Variants in SNX4 observed in about 807,000 individuals in gnomAD.
SNX4 encodes sorting nexin 4, also known as sorting nexin-4.
Under a neutral mutation model 70.8 loss-of-function variants are expected in SNX4, and 49 were observed. The observed-to-expected ratio is 0.69, with a 90% CI of 0.55 to 0.88. SNX4 has a LOEUF of 0.88. Ranked by LOEUF, SNX4 falls within the 40% of genes least tolerant of loss-of-function variation. The pLI is 0.00. For synonymous variants in SNX4, 206 were observed against 183.8 expected (o/e 1.12, Z -0.98); for missense variants, 528 against 544.8 (o/e 0.97, Z 0.31).
intron 1 of SNX4, among the ~76,000 whole-genome samples, chr3:125,516,611 T>C (rs983435738): frequency 1.6e-4 from 24 of 152,210 alleles, no homozygotes; most frequent in African/African-American, 5.8e-4. Context: ...GAGGCTGAGG[T>C]GGGTGGATCA....
intron 1 of SNX4, among the ~76,000 whole-genome samples, chr3:125,516,817 G>A (rs1490791941): frequency 6.6e-6 from 1 of 152,106 alleles, no homozygotes; most frequent in African/African-American, 2.4e-5. Context: ...CTCCAGCTGG[G>A]GCCAAAGAGC....
intron 5 of SNX4, among the ~76,000 whole-genome samples, chr3:125,490,461 T>C (rs2107552893): frequency 6.8e-6 from 1 of 147,646 alleles, no homozygotes; most frequent in East Asian, 2.0e-4. Context: ...GAGGCGGAGC[T>C]TGCAGTGAGC....
At chr3:125,460,251 C>T (rs1933843294) in intron 10 of SNX4, among the ~76,000 whole-genome samples, 1 of 150,312 alleles carries the variant, frequency 6.7e-6, no homozygotes, top group African/African-American at 2.4e-5. Flanking sequence ...GCCACCTATT[C>T]TGGGAAAATA....
intron 1 of SNX4, among the ~76,000 whole-genome samples, chr3:125,518,740 C>T (rs1245969430): frequency 1.3e-5 from 2 of 151,940 alleles, no homozygotes; most frequent in East Asian, 1.9e-4. Context: ...TGATGGCTCA[C>T]GCCTGTAATC....
chr3:125,502,234 C>T (rs1232795970), intron 2 of SNX4, among the ~76,000 whole-genome samples: 1 of 152,024 alleles, frequency 6.6e-6, no homozygotes, highest in African/African-American at 2.4e-5. Flanking sequence ...AAAAAATAAC[C>T]TTACAAATCT....
At chr3:125,462,016 A>C (rs1933897045) in intron 9 of SNX4, among the ~76,000 whole-genome samples, 1 of 152,140 alleles carries the variant, frequency 6.6e-6, no homozygotes, top group South Asian at 2.1e-4. Flanking sequence ...ATGTCATCCC[A>C]GTTTCATTCC....
At chr3:125,497,514 C>G (rs1934823599) in intron 4 of SNX4, 126 bp from the exon 5 acceptor site, 2 of 685,270 alleles carry the variant, frequency 2.9e-6, no homozygotes, top group Non-Finnish European at 5.0e-6. Flanking sequence ...AAAAAAATTT[C>G]TTTTCACTTC....
At chr3:125,514,495 G>A (rs975180807) in intron 1 of SNX4, among the ~76,000 whole-genome samples, 1 of 150,934 alleles carries the variant, frequency 6.6e-6, no homozygotes, top group African/African-American at 2.4e-5. Flanking sequence ...AGGTTCAAGC[G>A]ATTCTCCTGC....
intron 11 of SNX4, among the ~76,000 whole-genome samples, chr3:125,456,732 G>A (rs1933726296): frequency 1.3e-5 from 2 of 152,142 alleles, no homozygotes; most frequent in African/African-American, 4.8e-5. Context: ...GTGACCTCGG[G>A]TCACTGCAAC....
intron 11 of SNX4, among the ~76,000 whole-genome samples, chr3:125,456,722 G>A (rs1228540650): frequency 2.0e-5 from 3 of 152,158 alleles, no homozygotes; most frequent in East Asian, 1.9e-4. Context: ...GTGCAGTGGC[G>A]TGACCTCGGG....
intron 11 of SNX4, 73 bp downstream of exon 11, chr3:125,457,193 C>A (rs879582389): frequency 9.4e-6 from 10 of 1,063,944 alleles, no homozygotes; most frequent in Non-Finnish European, 1.5e-5. Flanking sequence ...GAGTTACTCA[C>A]TCAGAGTGAG....
At chr3:125,503,198 C>T (rs558340709) in intron 2 of SNX4, among the ~76,000 whole-genome samples, 8 of 152,282 alleles carry the variant, frequency 5.3e-5, no homozygotes, top group South Asian at 2.1e-4. Context: ...TGAGCCACCA[C>T]GCCCAGCTAG....
chr3:125,498,396 T>C (rs754148763), intron 2 of SNX4, among the ~76,000 whole-genome samples: 1 of 152,210 alleles, frequency 6.6e-6, no homozygotes, highest in African/African-American at 2.4e-5. Flanking sequence ...CACCACTTAC[T>C]GCAGCCTTCG....
intron 13 of SNX4, among the ~76,000 whole-genome samples, chr3:125,451,072 C>T (rs1933559014): frequency 2.6e-5 from 4 of 151,906 alleles, no homozygotes; most frequent in African/African-American, 9.7e-5. Context: ...TCGAGACCAG[C>T]CTGGGCAACA....
chr3:125,455,361 T>C (rs1933684565), intron 11 of SNX4, among the ~76,000 whole-genome samples: 1 of 152,200 alleles, frequency 6.6e-6, no homozygotes, highest in South Asian at 2.1e-4. Context: ...TAGGCAACTA[T>C]GGAAATAAAC....
chr3:125,459,622 A>T (rs1189897278), intron 10 of SNX4, among the ~76,000 whole-genome samples: 1 of 152,044 alleles, frequency 6.6e-6, no homozygotes, highest in Non-Finnish European at 1.5e-5. Flanking sequence ...TAATTTTAGT[A>T]GAGACGGGGT....
chr3:125,513,777 C>G (rs1935218425), intron 1 of SNX4, among the ~76,000 whole-genome samples: 2 of 152,170 alleles, frequency 1.3e-5, no homozygotes, highest in South Asian at 4.1e-4. Context: ...TCAGAGGTAG[C>G]TGGTACTAGG....
rs529032140 is a variant in SNX4 at position 125,511,398 on chromosome 3, CATCTT to C, written c.142-6659_142-6655del. ...TTTTTTTTTTTTAACAATCAGGAGTCATCTTATATTAAACTTTAAATTCATCTAAA... is the reference window on the plus strand; with the variant it reads ...TTTTTTTTTTTTAACAATCAGGAGTCATATTAAACTTTAAATTCATCTAAA... On this transcript the variant is annotated intron_variant, in intron 1 of 13. Transcript: ENST00000251775. Among the ~76,000 whole-genome samples the C allele has an allele frequency of 2.0e-3, 302 of 151,962 alleles. 1 individual carries two copies. The highest frequency in any genetic ancestry group is 3.8e-3 in the Admixed American group (58 of 15,272).
At chr3:125,492,011 G>A (rs1934671149) in intron 5 of SNX4, among the ~76,000 whole-genome samples, 3 of 149,906 alleles carry the variant, frequency 2.0e-5, no homozygotes, top group Admixed American at 6.7e-5. Flanking sequence ...AGGAGGCTGA[G>A]GCAGGAGAAT....
Sources: gnomAD v4.1 joint callset for allele counts (sites outside exome capture counted in the v4.1 genomes callset) on GRCh38, gnomAD v4.1.1 for gene constraint, MANE v1.5 for transcripts, NCBI Gene and HGNC (gene_info 2026-07-23, HGNC 2026-07-21) for gene names.